AMACR: variants seen among roughly 807,000 people sequenced by gnomAD.
AMACR encodes the protein 2-methylacyl-CoA racemase.
Under a neutral mutation model 22.2 loss-of-function variants are expected in AMACR, and 18 were observed. The observed-to-expected ratio is 0.81, with a 90% CI of 0.56 to 1.20. The LOEUF (loss-of-function observed/expected upper bound fraction) is 1.20, where lower values mean the gene tolerates loss of function less well. AMACR is among the 50% of genes most tolerant of loss of function. The pLI, the probability that AMACR is intolerant of heterozygous loss-of-function variation, is 0.00. For synonymous variants in AMACR, 213 were observed against 191.3 expected (o/e 1.11, Z -0.94); for missense variants, 499 against 490.6 (o/e 1.02, Z -0.16).
intron 4 of AMACR, among the ~76,000 whole-genome samples, chr5:33,996,062 G>A (rs959325943): frequency 3.9e-5 from 6 of 151,914 alleles, no homozygotes; most frequent in African/African-American, 1.5e-4. Context: ...CCAGAGAACT[G>A]TCATTATTTA....
chr5:33,991,799 G>A (rs933909529), intron 4 of AMACR, among the ~76,000 whole-genome samples: 4 of 151,532 alleles, frequency 2.6e-5, no homozygotes, highest in Non-Finnish European at 5.9e-5. Context: ...GGAGTGCGGT[G>A]GTGTGATCTC....
chr5:33,998,888 TC>T, intron 3 of AMACR, 61 bp from the exon 4 acceptor site: 3 of 1,531,100 alleles, frequency 2.0e-6, no homozygotes, highest in Non-Finnish European at 2.7e-6. Context: ...CATGAATAAT[TC>T]CTCCCATTCA....
In AMACR at chr5:33,989,863, T is replaced by C. The variant is rs544006061; in HGVS notation, c.740-361A>G. Among the ~76,000 whole-genome samples, 89 of 152,362 alleles carry C rather than the reference T, an allele frequency of 5.8e-4. 1 individual carries two copies. The highest frequency in any genetic ancestry group is 3.4e-3 in the Middle Eastern group (1 of 294). On this transcript the variant is annotated intron_variant, in intron 4 of 4. Transcript: ENST00000335606. ...AGCTAAAATAACTCCCTATTTTCTATAATGTATTCAAACCTTATAAAAAAA... is the reference window on the plus strand; with the variant it reads ...AGCTAAAATAACTCCCTATTTTCTACAATGTATTCAAACCTTATAAAAAAA...
chr5:33,992,717 T>C (rs934790000), intron 4 of AMACR, among the ~76,000 whole-genome samples: 5 of 152,044 alleles, frequency 3.3e-5, no homozygotes, highest in Admixed American at 6.6e-5. Flanking sequence ...CTCAAAAAAA[T>C]AAAATAGAAT....
intron 1 of AMACR, 62 bp downstream of exon 1, chr5:34,007,707 TCGAA>T (rs979080506): frequency 3.4e-6 from 5 of 1,466,178 alleles, no homozygotes; most frequent in Non-Finnish European, 3.6e-6. Context: ...GCAGCCTCGA[TCGAA>T]CGGCCAGGCC....
chr5:33,999,357 T>A (rs974038562), intron 3 of AMACR, among the ~76,000 whole-genome samples: 1 of 152,218 alleles, frequency 6.6e-6, no homozygotes, highest in Non-Finnish European at 1.5e-5. Flanking sequence ...TTTGAGTATT[T>A]AATGTATTTC....
intron 1 of AMACR, among the ~76,000 whole-genome samples, chr5:34,006,985 G>C (rs1216803830): frequency 6.6e-6 from 1 of 152,258 alleles, no homozygotes; most frequent in African/African-American, 2.4e-5. Context: ...GAAATAGTCC[G>C]AGTGGGCTAA....
Position 33,989,186 on chromosome 5 carries a change from C to T in AMACR, c.1056G>A (p.Glu352=). The change falls in exon 5 of 5, where the codon GAG becomes GAA. Residue 352 remains glutamate (E), a synonymous_variant. Transcript: ENST00000335606. ...RDPFIGEHTE[E]ILEEFGFSRE... ...GGCTGAATCCAAATTCTTCAAGTAT[C>T]TCCTCAGTGTGTTCTCCTATGAAAG... The T allele has an allele frequency of 6.2e-7, 1 of 1,614,190 alleles. No homozygotes were observed. The highest frequency in any genetic ancestry group is 1.6e-4 in the Middle Eastern group (1 of 6,062).
chr5:33,989,884 AAAAAT>A (rs1753423135), intron 4 of AMACR, among the ~76,000 whole-genome samples: 1 of 152,252 alleles, frequency 6.6e-6, no homozygotes, highest in South Asian at 2.1e-4. Flanking sequence ...AACCTTATAA[AAAAAT>A]AAAATATAAA....
chr5:33,988,561 C>T lies in AMACR; in HGVS notation c.*532G>A, dbSNP rs1433193844. 2.9e-6 allele frequency: 4 copies of T among 1,360,780 alleles called. No individual in the cohort carries two copies. The highest frequency in any genetic ancestry group is 2.7e-5 in the East Asian group (1 of 36,666). 84.3% of individuals were successfully genotyped at this position (1,360,780 alleles called of 1,614,324 possible). A position where few individuals can be genotyped will look rare whatever the true frequency, so the allele number is the denominator to read the frequency against. On this transcript the variant is annotated 3_prime_UTR_variant, in exon 5 of 5. Coordinates refer to ENST00000335606, the MANE Select transcript of AMACR (RefSeq NM_014324.6). The stretch of plus-strand genomic sequence containing the variant: ...GCATTCTGATTCAATACAGGTGAAA[C>T]TTTTCTTTGCAAATTACAAAGTGTG...
Position 34,004,608 on chromosome 5 carries a change from C to A in AMACR, c.518G>T (p.Arg173Leu). 1.2e-6 allele frequency: 2 copies of A among 1,614,102 alleles called. No individual in the cohort carries two copies. The highest frequency in any genetic ancestry group is 1.7e-6 in the Non-Finnish European group (2 of 1,180,016). Residue 173 changes from arginine (R) to leucine (L), a missense_variant, in exon 3 of 5, where the codon CGC becomes CTC. Coordinates refer to ENST00000335606, the MANE Select transcript of AMACR (RefSeq NM_014324.6). ...GIIMALFDRT[R>L]TGKGQVIDAN... ...ATCAATGACCTGACCCTTGCCAGTG[C>A]GTGTGCGGTCAAAAAGAGCCATTAT...
intron 1 of AMACR, among the ~76,000 whole-genome samples, chr5:34,007,532 CAGAG>C (rs1261208412): frequency 1.3e-5 from 2 of 151,998 alleles, no homozygotes; most frequent in African/African-American, 4.8e-5. Context: ...GGGAAGGAGT[CAGAG>C]AGGCAAAAGG....
intron 4 of AMACR, 82 bp from the exon 5 acceptor site, chr5:33,989,584 G>T: frequency 8.7e-7 from 1 of 1,143,818 alleles, no homozygotes; most frequent in Non-Finnish European, 1.3e-6. Context: ...TGAGCCCACT[G>T]TACTATGCAA....
At chr5:33,997,846 A>T in intron 4 of AMACR, 2 of 335,670 alleles carry the variant, frequency 6.0e-6, no homozygotes, top group Non-Finnish European at 1.1e-5. Flanking sequence ...AATTTGGAAA[A>T]TTTAAAAAAA....
At chr5:33,989,852 C>T (rs544035563) in intron 4 of AMACR, among the ~76,000 whole-genome samples, 46 of 151,938 alleles carry the variant, frequency 3.0e-4, no homozygotes, top group Admixed American at 9.2e-4. Context: ...AAAATAACTC[C>T]CTATTTTCTA....
intron 4 of AMACR, among the ~76,000 whole-genome samples, chr5:33,998,178 A>G (rs1240546564): frequency 6.6e-6 from 1 of 152,276 alleles, no homozygotes; most frequent in Admixed American, 6.5e-5. Flanking sequence ...AGGCATAGTG[A>G]TATAGTAACA....
At chr5:33,998,848 A>T in intron 3 of AMACR, 21 bp from the exon 4 acceptor site, 1 of 1,609,088 alleles carries the variant, frequency 6.2e-7, no homozygotes, top group Admixed American at 1.7e-5. Flanking sequence ...ACAGAATACA[A>T]GACAAATCCA....
At chr5:33,992,067 G>C (rs1389551240) in intron 4 of AMACR, among the ~76,000 whole-genome samples, 7 of 152,066 alleles carry the variant, frequency 4.6e-5, no homozygotes, top group Admixed American at 3.9e-4. Context: ...TTTTAGTAGA[G>C]ATGGGGTTTC....
At chr5:34,004,822 T>C in intron 2 of AMACR, 88 bp from the exon 3 acceptor site, 1 of 1,445,086 alleles carries the variant, frequency 6.9e-7, no homozygotes, top group Non-Finnish European at 9.5e-7. Flanking sequence ...GAATAATCAA[T>C]CTCTCCAGCA....
Sources: allele counts gnomAD v4.1 joint callset (sites outside exome capture counted in the v4.1 genomes callset), GRCh38; gene constraint gnomAD v4.1.1; transcripts MANE v1.5; gene names NCBI Gene and HGNC (gene_info 2026-07-23, HGNC 2026-07-21).